SEPTIN11: variants seen among roughly 807,000 people sequenced by gnomAD.
SEPTIN11 encodes septin-11.
Under a neutral mutation model 51.4 loss-of-function variants are expected in SEPTIN11, and 25 were observed. The ratio of observed to expected loss-of-function variants is 0.49; its 90% CI spans 0.35 to 0.68. The LOEUF (loss-of-function observed/expected upper bound fraction) is 0.68. SEPTIN11 is among the 30% of genes least tolerant of loss of function. The probability of loss-of-function intolerance (pLI) is 0.00; values close to 1 mark genes in which losing one functional copy is unlikely to be tolerated. For synonymous variants in SEPTIN11, 174 were observed against 184.1 expected (o/e 0.95, Z 0.44); for missense variants, 381 against 520.8 (o/e 0.73, Z 2.61).
chr4:76,950,418 C>G (rs1721280892), intron 1 of SEPTIN11, among the ~76,000 whole-genome samples: 1 of 152,208 alleles, frequency 6.6e-6, no homozygotes, highest in South Asian at 2.1e-4. Context: ...GCCTCCCCAG[C>G]GCATTGTGAG....
At chr4:76,994,817 T>C (rs939271481) in intron 1 of SEPTIN11, among the ~76,000 whole-genome samples, 2 of 145,440 alleles carry the variant, frequency 1.4e-5, no homozygotes, top group African/African-American at 5.0e-5. Flanking sequence ...TTAAAAGAAA[T>C]CACCCTCTTG....
chr4:76,980,410 T>C (rs1578137936), intron 1 of SEPTIN11, among the ~76,000 whole-genome samples: 2 of 152,036 alleles, frequency 1.3e-5, no homozygotes, highest in Admixed American at 6.6e-5. Flanking sequence ...GGCTAAAGGG[T>C]GGATAGGAAG....
chr4:77,014,343 T>G (rs571427655), intron 4 of SEPTIN11, among the ~76,000 whole-genome samples: 36 of 152,314 alleles, frequency 2.4e-4, no homozygotes, highest in African/African-American at 8.2e-4. Flanking sequence ...AATACTCCAC[T>G]GCTCTTACAA....
intron 7 of SEPTIN11, among the ~76,000 whole-genome samples, chr4:77,022,867 T>G (rs1359413146): frequency 2.0e-5 from 3 of 152,224 alleles, no homozygotes; most frequent in Non-Finnish European, 4.4e-5. Flanking sequence ...AAGGGCCCAG[T>G]GGCCTAAGTT....
At chr4:76,968,588 C>T (rs528851184) in intron 1 of SEPTIN11, among the ~76,000 whole-genome samples, 1 of 152,310 alleles carries the variant, frequency 6.6e-6, no homozygotes, top group East Asian at 1.9e-4. Flanking sequence ...ATTATTGGAA[C>T]ATTTTTATTG....
intron 1 of SEPTIN11, among the ~76,000 whole-genome samples, chr4:76,993,094 T>G (rs1051586732): frequency 1.3e-5 from 2 of 151,816 alleles, no homozygotes; most frequent in Non-Finnish European, 2.9e-5. Flanking sequence ...GGGAGGCCAG[T>G]TGGGAGGCTG....
At chr4:76,963,726 A>G (rs1030875198) in intron 1 of SEPTIN11, among the ~76,000 whole-genome samples, 1 of 152,258 alleles carries the variant, frequency 6.6e-6, no homozygotes, top group African/African-American at 2.4e-5. Context: ...ACCATACTGT[A>G]TAGTGCAGCT....
At chr4:77,005,033 C>T (rs1285452639) in intron 2 of SEPTIN11, among the ~76,000 whole-genome samples, 2 of 152,082 alleles carry the variant, frequency 1.3e-5, no homozygotes, top group Non-Finnish European at 2.9e-5. Context: ...CTCTTGCCAC[C>T]GGGGTTGGCA....
At chr4:77,018,392 T>C (rs1272165894) in intron 5 of SEPTIN11, among the ~76,000 whole-genome samples, 1 of 150,130 alleles carries the variant, frequency 6.7e-6, no homozygotes, top group Non-Finnish European at 1.5e-5. Context: ...GAGCTTGCAG[T>C]GAGCCGAGAT....
intron 7 of SEPTIN11, among the ~76,000 whole-genome samples, chr4:77,027,347 G>C (rs1726236865): frequency 6.6e-6 from 1 of 152,006 alleles, no homozygotes; most frequent in Non-Finnish European, 1.5e-5. Flanking sequence ...TATTGGCCAG[G>C]CTGGTCTCGA....
At chr4:76,994,832 T>C (rs562661156) in intron 1 of SEPTIN11, among the ~76,000 whole-genome samples, 11 of 150,606 alleles carry the variant, frequency 7.3e-5, no homozygotes, top group South Asian at 4.2e-4. Context: ...CTCTTGATTA[T>C]GTAACATAAA....
At chr4:76,983,725 A>G (rs559370273) in intron 1 of SEPTIN11, among the ~76,000 whole-genome samples, 1 of 152,248 alleles carries the variant, frequency 6.6e-6, no homozygotes, top group South Asian at 2.1e-4. Flanking sequence ...TAGAACTCTT[A>G]GAGGCCAGGT....
chr4:76,957,174 C>A (rs2109880706), intron 1 of SEPTIN11, among the ~76,000 whole-genome samples: 1 of 152,204 alleles, frequency 6.6e-6, no homozygotes, highest in South Asian at 2.1e-4. Flanking sequence ...ATGACCTCAG[C>A]TGTGGAAGTG....
At chr4:76,954,478 T>A (rs1037742029) in intron 1 of SEPTIN11, among the ~76,000 whole-genome samples, 1 of 152,164 alleles carries the variant, frequency 6.6e-6, no homozygotes, top group African/African-American at 2.4e-5. Flanking sequence ...GCCCCCTTTT[T>A]AAAAATCTGG....
intron 3 of SEPTIN11, chr4:77,010,009 T>G (rs921809939): frequency 1.3e-5 from 2 of 152,182 alleles, no homozygotes; most frequent in Non-Finnish European, 2.9e-5. Flanking sequence ...TTTTTTTTCC[T>G]TAGGTTTTTC....
At chr4:77,016,633 C>CACACATATATATATATATAT (rs1375044162) in intron 5 of SEPTIN11, among the ~76,000 whole-genome samples, 18 of 72,744 alleles carry the variant, frequency 2.5e-4, no homozygotes, top group South Asian at 8.5e-4. Context: ...TATATATACA[C>CACACATATATATATATATAT]ATATATATAT....
rs577206718 is a variant in SEPTIN11 at position 76,949,780 on chromosome 4, C to T, written c.-124C>T. The T allele has an allele frequency of 5.0e-5, 53 of 1,053,476 alleles. No homozygotes were observed. The highest frequency in any genetic ancestry group is 5.8e-5 in the Non-Finnish European group (44 of 753,030). The allele number at this position is 1,053,476 out of a possible 1,614,324, so 65.3% of individuals were successfully genotyped here. ...CAGATGCCGCTGGCTGCCAGCGGGA[C>T]GCCGGCGAGCAGAGCGCAGCCGCGA... On this transcript the variant is annotated 5_prime_UTR_variant, in exon 1 of 10. It adds an upstream start codon to the 5' untranslated region. Transcript: ENST00000264893.
intron 6 of SEPTIN11, among the ~76,000 whole-genome samples, 159 bp from the exon 7 acceptor site, chr4:77,020,343 G>A (rs181548641): frequency 4.1e-4 from 62 of 152,094 alleles, no homozygotes; most frequent in Non-Finnish European, 6.9e-4. Context: ...TCTTGTCTTC[G>A]TCAGGAATGT....
chr4:77,017,474 T>A lies in SEPTIN11; in HGVS notation c.688-1691T>A, dbSNP rs145164104. Among the ~76,000 whole-genome samples, 397 of 152,318 alleles carry A rather than the reference T, an allele frequency of 2.6e-3. 1 individual carries two copies. The Middle Eastern group carries it at 0.041, about 16-fold the overall frequency. On this transcript the variant is annotated intron_variant, in intron 5 of 9. Transcript: ENST00000264893. ...TACACCAAAATATTGACCAGAAAGG[T>A]CCTGTTGCTCCTCAACTTCAGGGGA...
Sources: gnomAD v4.1 joint callset for allele counts (sites outside exome capture counted in the v4.1 genomes callset) on GRCh38, gnomAD v4.1.1 for gene constraint, MANE v1.5 for transcripts, NCBI Gene and HGNC (gene_info 2026-07-23, HGNC 2026-07-21) for gene names.